Variants in SNTG2 observed in about 807,000 individuals in gnomAD.
The protein encoded by SNTG2 is syntrophin gamma 2, also known as gamma-2-syntrophin.
A neutral mutation model predicts 70.9 loss-of-function variants in SNTG2; 74 were observed. The observed-to-expected ratio is 1.04, with a 90% confidence interval of 0.86 to 1.27. SNTG2 has a LOEUF of 1.27. Ranked by LOEUF, SNTG2 falls within the 50% of genes most tolerant of loss-of-function variation. The probability of loss-of-function intolerance (pLI) is 0.00; values close to 1 mark genes in which losing one functional copy is unlikely to be tolerated. For missense variants in SNTG2, 717 were observed against 690.7 expected, an observed-to-expected ratio of 1.04 and a Z score of -0.43; for synonymous variants, 278 against 273.8, an observed-to-expected ratio of 1.02 and a Z score of -0.15.
intron 13 of SNTG2, among the ~76,000 whole-genome samples, chr2:1,260,905 A>G (rs1273848735): frequency 6.6e-6 from 1 of 152,070 alleles, no homozygotes; most frequent in Admixed American, 6.6e-5. Flanking sequence ...GATGTTCTTT[A>G]GGTACTGGGG....
rs559814985 is a variant in SNTG2, at chr2:988,147, A to AC, written c.72+37079_72+37080insC. Among the ~76,000 whole-genome samples, 44 of 152,362 alleles carry AC rather than the reference A, an allele frequency of 2.9e-4. 1 individual carries two copies. The highest frequency in any genetic ancestry group is 1.2e-3 in the Admixed American group (18 of 15,310). ...TTCCCAGCCTGTAACATTGAGAGGA[A>AC]ACAAGGCTTTCTTGGGACATCATCA... On this transcript the variant is annotated intron_variant, in intron 1 of 16. Transcript: ENST00000308624.
intron 8 of SNTG2, among the ~76,000 whole-genome samples, chr2:1,174,463 G>T (rs569728158): frequency 6.6e-6 from 1 of 152,162 alleles, no homozygotes; most frequent in East Asian, 1.9e-4. Context: ...TGGACACTTT[G>T]CCTTTGTTTT....
chr2:1,115,336 CAT>C (rs1666878930), intron 4 of SNTG2, among the ~76,000 whole-genome samples: 1 of 151,424 alleles, frequency 6.6e-6, no homozygotes, highest in Admixed American at 6.6e-5. Context: ...GGAGGAGGAT[CAT>C]GTGTAGTAAG....
chr2:1,366,819 C>T lies in SNTG2; in HGVS notation c.1489-524C>T, dbSNP rs146493564. Among the ~76,000 whole-genome samples, 939 of 152,328 alleles carry T rather than the reference C, an allele frequency of 6.2e-3. 8 individuals are homozygous for T. Among genetic ancestry groups the T allele is most frequent in the African/African-American group, 0.021 (880 of 41,566 alleles). ...GGCATGAAGCCCACATGCACCCACA[C>T]AGCAGGCACTGTTCCTCCCAAGGGC... On this transcript the variant is annotated intron_variant, in intron 16 of 16. Coordinates refer to ENST00000308624, the MANE Select transcript of SNTG2 (RefSeq NM_018968.4).
chr2:1,014,837 G>A (rs1659835550), intron 1 of SNTG2, among the ~76,000 whole-genome samples: 2 of 152,098 alleles, frequency 1.3e-5, no homozygotes, highest in South Asian at 2.1e-4. Flanking sequence ...AATTTGCCTC[G>A]CTGGCTGCAT....
At chr2:1,204,786 C>T (rs1306367702) in intron 8 of SNTG2, among the ~76,000 whole-genome samples, 1 of 152,152 alleles carries the variant, frequency 6.6e-6, no homozygotes, top group Non-Finnish European at 1.5e-5. Context: ...AGGAAAAAAG[C>T]ATAGTATATA....
intron 12 of SNTG2, among the ~76,000 whole-genome samples, chr2:1,248,371 G>C (rs1319435238): frequency 6.6e-6 from 1 of 152,190 alleles, no homozygotes; most frequent in Non-Finnish European, 1.5e-5. Context: ...ATTTGACAAT[G>C]ATGCAGCATT....
chr2:1,277,240 T>A (rs756796888), intron 14 of SNTG2, among the ~76,000 whole-genome samples: 8 of 152,210 alleles, frequency 5.3e-5, no homozygotes, highest in Non-Finnish European at 1.2e-4. Context: ...CAGCATCACA[T>A]GCTACAGAGA....
intron 12 of SNTG2, among the ~76,000 whole-genome samples, chr2:1,256,115 C>T (rs1678106173): frequency 6.6e-6 from 1 of 151,252 alleles, no homozygotes; most frequent in South Asian, 2.1e-4. Context: ...TGTATATTTT[C>T]ATATAGAAAA....
At chr2:1,235,639 C>T (rs549362771) in intron 9 of SNTG2, among the ~76,000 whole-genome samples, 27 of 150,192 alleles carry the variant, frequency 1.8e-4, no homozygotes, top group African/African-American at 6.3e-4. Context: ...ACCCCCGATT[C>T]ATGAGAGGAG....
At chr2:1,067,262 A>G (rs1663221803) in intron 1 of SNTG2, among the ~76,000 whole-genome samples, 2 of 152,242 alleles carry the variant, frequency 1.3e-5, no homozygotes, top group South Asian at 4.1e-4. Context: ...CTTTTGCACC[A>G]ATGGGTAATG....
At chr2:1,186,411 C>T (rs1301730951) in intron 8 of SNTG2, among the ~76,000 whole-genome samples, 1 of 152,188 alleles carries the variant, frequency 6.6e-6, no homozygotes, top group Non-Finnish European at 1.5e-5. Flanking sequence ...ATAGCAATAC[C>T]TTAGCAGTAT....
chr2:1,183,170 A>G (rs563845217), intron 8 of SNTG2, among the ~76,000 whole-genome samples: 5 of 152,322 alleles, frequency 3.3e-5, no homozygotes, highest in African/African-American at 1.2e-4. Context: ...ATGACATTAT[A>G]TGCAGCAGTA....
chr2:1,286,717 G>A (rs532724011), intron 14 of SNTG2, among the ~76,000 whole-genome samples: 1 of 152,318 alleles, frequency 6.6e-6, no homozygotes, highest in Admixed American at 6.5e-5. Context: ...CCTGCCACCA[G>A]GGAGCTGGCA....
intron 14 of SNTG2, among the ~76,000 whole-genome samples, chr2:1,285,373 C>T (rs1258068871): frequency 6.6e-6 from 1 of 152,128 alleles, no homozygotes; most frequent in East Asian, 1.9e-4. Flanking sequence ...AAGTCCACCC[C>T]TTGTCAACTT....
At chr2:1,297,827 C>T (rs1680288360) in intron 14 of SNTG2, among the ~76,000 whole-genome samples, 1 of 152,222 alleles carries the variant, frequency 6.6e-6, no homozygotes, top group African/African-American at 2.4e-5. Flanking sequence ...TCCTAGGAGA[C>T]TCCATCTCAC....
At chr2:1,244,627 C>T (rs369234283) in intron 11 of SNTG2, among the ~76,000 whole-genome samples, 3 of 140,038 alleles carry the variant, frequency 2.1e-5, no homozygotes, top group East Asian at 2.1e-4. Context: ...ACCTGGGAGG[C>T]AGAGCTTGCA....
At chr2:1,329,805 G>T (rs73179449) in intron 16 of SNTG2, among the ~76,000 whole-genome samples, 2,802 of 152,244 alleles carry the variant, frequency 0.018, 70 homozygotes, top group African/African-American at 0.061. Flanking sequence ...CCCATCGTGT[G>T]GGGGAGGCCT....
At chr2:960,898 G>A (rs1660329403) in intron 1 of SNTG2, among the ~76,000 whole-genome samples, 1 of 152,178 alleles carries the variant, frequency 6.6e-6, no homozygotes, top group Non-Finnish European at 1.5e-5. Context: ...ATGGTCTTGG[G>A]ACTCCTCACC....
Sources: allele counts gnomAD v4.1 joint callset (sites outside exome capture counted in the v4.1 genomes callset), GRCh38; gene constraint gnomAD v4.1.1; transcripts MANE v1.5; gene names NCBI Gene and HGNC (gene_info 2026-07-23, HGNC 2026-07-21).